Variants in HDAC9 observed in about 807,000 individuals in gnomAD.
HDAC9 encodes histone deacetylase 9, also known as MEF-2 interacting transcription repressor (MITR) protein.
In HDAC9, 41 loss-of-function variants were observed where a neutral mutation model predicts 139.4. That is an observed-to-expected ratio of 0.29 (90% CI 0.23 to 0.38). The LOEUF (loss-of-function observed/expected upper bound fraction) is 0.38, where lower values mean the gene tolerates loss of function less well. HDAC9 is among the 10% of genes least tolerant of loss of function. HDAC9 has a pLI of 1.00. For synonymous variants in HDAC9, 517 were observed against 476.2 expected, an observed-to-expected ratio of 1.09 and a Z score of -1.12; for missense variants, 1,147 against 1,297.0, an observed-to-expected ratio of 0.88 and a Z score of 1.78.
intron 2 of HDAC9, among the ~76,000 whole-genome samples, chr7:18,165,551 C>A (rs1787943927): frequency 6.6e-6 from 1 of 152,006 alleles, no homozygotes; most frequent in Admixed American, 6.6e-5. Context: ...GTTTGAGAGG[C>A]CTAGGTGGGA....
intron 22 of HDAC9, among the ~76,000 whole-genome samples, chr7:18,906,254 C>T (rs995420172): frequency 4.6e-5 from 7 of 151,978 alleles, no homozygotes; most frequent in Non-Finnish European, 5.9e-5. Flanking sequence ...AAGTGATTCT[C>T]CTGCCTTAGC....
intron 2 of HDAC9, among the ~76,000 whole-genome samples, chr7:18,187,831 G>C (rs531184929): frequency 6.6e-6 from 1 of 152,228 alleles, no homozygotes; most frequent in Admixed American, 6.5e-5. Flanking sequence ...CAAGGGTATA[G>C]GGCAAACCAT....
upstream of HDAC9, among the ~76,000 whole-genome samples, chr7:18,289,083 A>C (rs1797638205): frequency 6.6e-6 from 1 of 152,192 alleles, no homozygotes; most frequent in Admixed American, 6.5e-5. Flanking sequence ...GAGAGGGACT[A>C]AAGCCAGAGT....
chr7:18,173,632 T>C (rs1788635635), intron 2 of HDAC9, among the ~76,000 whole-genome samples: 1 of 152,198 alleles, frequency 6.6e-6, no homozygotes, highest in Non-Finnish European at 1.5e-5. Context: ...TCAGGAGCTC[T>C]TGTAAGGTAG....
At chr7:18,631,360 T>C (rs995678509) in intron 7 of HDAC9, among the ~76,000 whole-genome samples, 1 of 152,218 alleles carries the variant, frequency 6.6e-6, no homozygotes, top group East Asian at 1.9e-4. Flanking sequence ...TTTTAACTGG[T>C]ATACCGCACT....
intron 25 of HDAC9, among the ~76,000 whole-genome samples, chr7:18,982,532 GTTC>G (rs1232471995): frequency 6.6e-6 from 1 of 151,658 alleles, no homozygotes; most frequent in Non-Finnish European, 1.5e-5. Flanking sequence ...ACATGCACAC[GTTC>G]TAAGATTTTT....
intron 17 of HDAC9, among the ~76,000 whole-genome samples, chr7:18,808,531 G>A (rs1793915675): frequency 6.6e-6 from 1 of 151,582 alleles, no homozygotes. Context: ...ACAATGAACT[G>A]TCCAAAAAAA....
chr7:18,949,235 C>G (rs1453503565), intron 23 of HDAC9: 1 of 203,308 alleles, frequency 4.9e-6, no homozygotes, highest in Non-Finnish European at 9.9e-6. Context: ...ATCTTCCTCA[C>G]CCTTGTCATC....
intron 2 of HDAC9, among the ~76,000 whole-genome samples, chr7:18,575,202 T>G (rs933075704): frequency 2.6e-5 from 4 of 152,274 alleles, no homozygotes; most frequent in Admixed American, 6.5e-5. Flanking sequence ...CCTTCAGTAA[T>G]AAGCATTTCA....
intron 22 of HDAC9, among the ~76,000 whole-genome samples, chr7:18,915,791 C>T (rs562615773): frequency 2.0e-5 from 3 of 151,778 alleles, no homozygotes; most frequent in African/African-American, 7.2e-5. Flanking sequence ...ACAACAACAA[C>T]AACAACAACA....
At chr7:18,542,977 A>G (rs1813506480) in intron 2 of HDAC9, among the ~76,000 whole-genome samples, 1 of 152,246 alleles carries the variant, frequency 6.6e-6, no homozygotes, top group Admixed American at 6.5e-5. Context: ...ATATGTAGAT[A>G]TCACATTTTA....
intron 2 of HDAC9, among the ~76,000 whole-genome samples, chr7:18,218,139 A>G (rs1055015167): frequency 4.0e-4 from 61 of 152,212 alleles, no homozygotes; most frequent in African/African-American, 1.4e-3. Context: ...TCTTTTATGA[A>G]CTACTTTCAG....
intron 25 of HDAC9, among the ~76,000 whole-genome samples, chr7:18,985,208 T>C (rs562930694): frequency 6.6e-6 from 1 of 152,258 alleles, no homozygotes; most frequent in South Asian, 2.1e-4. Flanking sequence ...TATCTCCCAA[T>C]GCTATCCCTA....
intron 13 of HDAC9, among the ~76,000 whole-genome samples, chr7:18,742,799 A>T (rs966672305): frequency 6.6e-6 from 1 of 152,090 alleles, no homozygotes; most frequent in Non-Finnish European, 1.5e-5. Context: ...TATTGCCTCC[A>T]GTATAGATTT....
chr7:18,771,178 G>A (rs138115390), intron 16 of HDAC9, among the ~76,000 whole-genome samples: 6 of 152,034 alleles, frequency 3.9e-5, no homozygotes, highest in Non-Finnish European at 7.4e-5. Context: ...GGCTCTAAAA[G>A]GTTTAATGAA....
chr7:18,374,291 T>C (rs1784820005), intron 1 of HDAC9, among the ~76,000 whole-genome samples: 1 of 151,604 alleles, frequency 6.6e-6, no homozygotes, highest in Non-Finnish European at 1.5e-5. Context: ...TGTGTATATA[T>C]AGTTTTGAAT....
chr7:18,099,910 A>C (rs1417210508), intron 1 of HDAC9, among the ~76,000 whole-genome samples: 1 of 152,230 alleles, frequency 6.6e-6, no homozygotes, highest in Non-Finnish European at 1.5e-5. Context: ...TTACTCGAGT[A>C]GTTACCATTT....
chr7:18,316,855 A>G (rs1195663794), intron 1 of HDAC9, among the ~76,000 whole-genome samples: 3 of 151,214 alleles, frequency 2.0e-5, no homozygotes, highest in Non-Finnish European at 2.9e-5. Context: ...GCACTTTGGG[A>G]GGCCGAGGCA....
rs571933956 is a variant in HDAC9 at position 18,266,401 on chromosome 7, A to C, written c.25+104052A>C. Among the ~76,000 whole-genome samples, 79 of 140,958 alleles carry C rather than the reference A, an allele frequency of 5.6e-4. 1 individual carries two copies. Among genetic ancestry groups the C allele is most frequent in the African/African-American group, 1.8e-3 (72 of 40,886 alleles). The allele number at this position is 140,958 out of a possible 152,430, so 92.5% of individuals were successfully genotyped here. On this transcript the variant is annotated intron_variant, in intron 2 of 12. Transcript: ENST00000417496. The stretch of plus-strand genomic sequence containing the variant: ...GTCTGAATAATCAGTTAATTGAATC[A>C]TTCAAGTAAAAATGTTTTTTCTGTT...
Sources: gnomAD v4.1 joint callset for allele counts (sites outside exome capture counted in the v4.1 genomes callset) on GRCh38, gnomAD v4.1.1 for gene constraint, MANE v1.5 for transcripts, NCBI Gene and HGNC (gene_info 2026-07-23, HGNC 2026-07-21) for gene names.